Variants in MAPKAP1 observed in about 807,000 individuals in gnomAD.
The protein encoded by MAPKAP1 is MAPK associated protein 1.
A neutral mutation model predicts 65.7 loss-of-function variants in MAPKAP1; 20 were observed. That is an observed-to-expected ratio of 0.30 (90% CI 0.21 to 0.44). The LOEUF (loss-of-function observed/expected upper bound fraction) is 0.44, where lower values mean the gene tolerates loss of function less well. Among genes scored for constraint, MAPKAP1 ranks in the 20% least tolerant of loss-of-function variants. The probability of loss-of-function intolerance (pLI) is 1.00; values close to 1 mark genes in which losing one functional copy is unlikely to be tolerated. For synonymous variants in MAPKAP1, 222 were observed against 244.3 expected (o/e 0.91, Z 0.85); for missense variants, 423 against 648.0 (o/e 0.65, Z 3.77).
chr9:125,664,360 AAAAAAT>A (rs1176631655), intron 3 of MAPKAP1, among the ~76,000 whole-genome samples: 2 of 151,768 alleles, frequency 1.3e-5, no homozygotes. Flanking sequence ...AAAAAATAAA[AAAAAAT>A]AAAAATAAAA....
intron 9 of MAPKAP1, among the ~76,000 whole-genome samples, chr9:125,479,136 G>A (rs1385627590): frequency 6.6e-6 from 1 of 152,194 alleles, no homozygotes; most frequent in Non-Finnish European, 1.5e-5. Context: ...AGGCGCCAGC[G>A]CATGCAAAGA....
At chr9:125,697,049 T>C (rs947188761) in intron 1 of MAPKAP1, among the ~76,000 whole-genome samples, 2 of 152,122 alleles carry the variant, frequency 1.3e-5, no homozygotes, top group Non-Finnish European at 2.9e-5. Flanking sequence ...ACTGAAGAGG[T>C]GATGGTAGCA....
chr9:125,577,271 C>T (rs1297471306), intron 5 of MAPKAP1, among the ~76,000 whole-genome samples: 2 of 150,666 alleles, frequency 1.3e-5, no homozygotes, highest in Non-Finnish European at 3.0e-5. Flanking sequence ...AGTGAGGAGC[C>T]CCTCCACCCA....
At chr9:125,659,402 C>G (rs1588047111) in intron 3 of MAPKAP1, among the ~76,000 whole-genome samples, 1 of 152,290 alleles carries the variant, frequency 6.6e-6, no homozygotes, top group Middle Eastern at 3.4e-3. Flanking sequence ...CATTCTCAGA[C>G]ATTCACACTC....
intron 1 of MAPKAP1, among the ~76,000 whole-genome samples, chr9:125,706,422 T>C (rs1028174316): frequency 6.6e-6 from 1 of 152,000 alleles, no homozygotes; most frequent in Non-Finnish European, 1.5e-5. Context: ...CTGAGTCAAT[T>C]TGGGGGTCTC....
intron 1 of MAPKAP1, among the ~76,000 whole-genome samples, chr9:125,682,538 C>CTGT (rs1453729719): frequency 3.3e-5 from 5 of 152,220 alleles, no homozygotes. Context: ...ACATTTCCAG[C>CTGT]TGTTACAAGA....
chr9:125,568,619 G>C (rs1423336530), intron 5 of MAPKAP1: 1 of 152,350 alleles, frequency 6.6e-6, no homozygotes, highest in Non-Finnish European at 1.5e-5. Flanking sequence ...TTGGATTAAA[G>C]ATGATGGGGC....
chr9:125,563,687 T>C (rs1830960791), intron 5 of MAPKAP1, among the ~76,000 whole-genome samples: 2 of 151,080 alleles, frequency 1.3e-5, no homozygotes, highest in East Asian at 1.9e-4. Context: ...AATCACTCTA[T>C]GAAGAAAGCA....
chr9:125,453,715 T>G (rs948858377), intron 10 of MAPKAP1, among the ~76,000 whole-genome samples: 1 of 152,252 alleles, frequency 6.6e-6, no homozygotes, highest in South Asian at 2.1e-4. Flanking sequence ...TGTAACATCA[T>G]GCAGTAGTCT....
chr9:125,494,171 C>A (rs949613228), intron 8 of MAPKAP1, among the ~76,000 whole-genome samples: 5 of 152,080 alleles, frequency 3.3e-5, no homozygotes, highest in South Asian at 4.1e-4. Flanking sequence ...TTTCCAGAGG[C>A]CTTTTAAGTC....
At chr9:125,585,451 T>A (rs1241220212) in intron 5 of MAPKAP1, 104 bp downstream of exon 5, 2 of 1,234,566 alleles carry the variant, frequency 1.6e-6, no homozygotes, top group African/African-American at 3.0e-5. Context: ...AGTGCAGAAG[T>A]GTGGTTCCAG....
rs5900659 is a variant in MAPKAP1 at position 125,445,145 on chromosome 9, CG to C, written c.1346-548del. On this transcript the variant is annotated intron_variant, in intron 10 of 11. Transcript: ENST00000265960. ...CATCTCAACCCTGGGAGGATGGGGG[CG>C]GGGGGGGCACCATGGAAAGTGGGCA... Among the ~76,000 whole-genome samples, 20 of 149,558 alleles carry C rather than the reference CG, an allele frequency of 1.3e-4. 1 individual carries two copies. The East Asian group carries it at 3.7e-3, about 27-fold the overall frequency.
intron 7 of MAPKAP1, among the ~76,000 whole-genome samples, chr9:125,541,982 C>A (rs1367754418): frequency 6.6e-6 from 1 of 152,234 alleles, no homozygotes; most frequent in African/African-American, 2.4e-5. Context: ...CGAGGGTGAA[C>A]AATGACTCCT....
intron 7 of MAPKAP1, among the ~76,000 whole-genome samples, chr9:125,525,395 C>T (rs991582883): frequency 3.3e-5 from 5 of 152,072 alleles, no homozygotes; most frequent in East Asian, 3.8e-4. Flanking sequence ...AACAGGAGGC[C>T]GGGCGCGGTG....
chr9:125,461,316 T>C (rs543163287), intron 10 of MAPKAP1, among the ~76,000 whole-genome samples: 1 of 152,314 alleles, frequency 6.6e-6, no homozygotes, highest in East Asian at 1.9e-4. Flanking sequence ...TCCCCGGCAC[T>C]CCCTTGTTTT....
intron 5 of MAPKAP1, among the ~76,000 whole-genome samples, chr9:125,584,892 T>C (rs373605568): frequency 2.0e-5 from 3 of 152,180 alleles, no homozygotes; most frequent in African/African-American, 7.2e-5. Context: ...TGCCGAGGCA[T>C]AGAGAGGCTA....
intron 1 of MAPKAP1, among the ~76,000 whole-genome samples, chr9:125,676,518 T>A (rs1050221876): frequency 1.4e-5 from 2 of 146,966 alleles, no homozygotes; most frequent in African/African-American, 5.0e-5. Flanking sequence ...AATAAGCCAG[T>A]CGCAAAAGGA....
At chr9:125,632,587 T>G (rs2131688789) in intron 4 of MAPKAP1, among the ~76,000 whole-genome samples, 1 of 152,296 alleles carries the variant, frequency 6.6e-6, no homozygotes. Context: ...TCTTATGACT[T>G]AAGTGCAAGT....
intron 3 of MAPKAP1, among the ~76,000 whole-genome samples, chr9:125,665,590 C>T (rs1485001365): frequency 1.3e-5 from 2 of 151,914 alleles, no homozygotes; most frequent in Non-Finnish European, 2.9e-5. Flanking sequence ...CTCAGCCCGC[C>T]TGCACCCAGA....
Sources: allele counts gnomAD v4.1 joint callset (sites outside exome capture counted in the v4.1 genomes callset), GRCh38; gene constraint gnomAD v4.1.1; transcripts MANE v1.5; gene names NCBI Gene and HGNC (gene_info 2026-07-23, HGNC 2026-07-21).